Variants in KIFAP3 observed in about 807,000 individuals in gnomAD.
KIFAP3 encodes the protein kinesin associated protein 3, also known as kinesin-associated protein 3.
KIFAP3 carries 68 observed loss-of-function variants against 106.5 expected under a neutral mutation model. The ratio of observed to expected loss-of-function variants is 0.64; its 90% CI spans 0.53 to 0.78. The LOEUF (loss-of-function observed/expected upper bound fraction) is 0.78, where lower values mean the gene tolerates loss of function less well. Among genes scored for constraint, KIFAP3 ranks in the 30% least tolerant of loss-of-function variants. The pLI is 0.00. For synonymous variants in KIFAP3, 320 were observed against 311.5 expected (o/e 1.03, Z -0.29); for missense variants, 780 against 941.8 (o/e 0.83, Z 2.25).
chr1:170,041,917 C>T, intron 3 of KIFAP3: 2 of 1,287,082 alleles, frequency 1.6e-6, no homozygotes, highest in Non-Finnish European at 2.0e-6. Flanking sequence ...GGGAAGTACT[C>T]CTGGGCGATT....
intron 10 of KIFAP3, among the ~76,000 whole-genome samples, chr1:170,013,408 T>A (rs1456463570): frequency 1.3e-5 from 2 of 151,412 alleles, no homozygotes; most frequent in Non-Finnish European, 2.9e-5. Context: ...TATTGCATTA[T>A]CTCATTTAAC....
At chr1:169,966,741 T>G (rs1472457081) in intron 17 of KIFAP3, among the ~76,000 whole-genome samples, 1 of 151,620 alleles carries the variant, frequency 6.6e-6, no homozygotes, top group Non-Finnish European at 1.5e-5. Context: ...AAAATATGTG[T>G]TTAAAAAATT....
chr1:170,002,388 G>T (rs1667706916), intron 10 of KIFAP3, among the ~76,000 whole-genome samples: 1 of 152,082 alleles, frequency 6.6e-6, no homozygotes, highest in African/African-American at 2.4e-5. Flanking sequence ...AGACAATATG[G>T]TCTAACATTA....
intron 2 of KIFAP3, among the ~76,000 whole-genome samples, chr1:170,050,451 TA>T (rs1670517885): frequency 6.6e-6 from 1 of 152,148 alleles, no homozygotes; most frequent in Admixed American, 6.6e-5. Context: ...CTCCCCAGCC[TA>T]GCAAGACAGG....
chr1:170,005,807 T>C (rs572380209), intron 10 of KIFAP3, among the ~76,000 whole-genome samples: 1 of 151,148 alleles, frequency 6.6e-6, no homozygotes, highest in East Asian at 2.0e-4. Flanking sequence ...TGTATACATA[T>C]GTAACAAACC....
chr1:169,949,881 T>C (rs1664641190), intron 19 of KIFAP3, among the ~76,000 whole-genome samples: 1 of 152,128 alleles, frequency 6.6e-6, no homozygotes, highest in Non-Finnish European at 1.5e-5. Context: ...CAGGATTCAC[T>C]GTCCAACTGC....
intron 19 of KIFAP3, among the ~76,000 whole-genome samples, chr1:169,934,988 A>G (rs1416408497): frequency 1.3e-5 from 2 of 152,128 alleles, no homozygotes; most frequent in African/African-American, 4.8e-5. Context: ...CCTAATATAT[A>G]TGAAGGCTTT....
intron 10 of KIFAP3, among the ~76,000 whole-genome samples, chr1:170,009,188 G>C (rs1255086541): frequency 6.6e-6 from 1 of 152,018 alleles, no homozygotes; most frequent in Non-Finnish European, 1.5e-5. Flanking sequence ...AACCACCATG[G>C]CACATGTATA....
chr1:170,024,534 T>A lies in KIFAP3; in HGVS notation c.904A>T (p.Lys302Ter). ...DTRTELKMRNKNIVHMLVKAL... is the reference protein window; with the variant it reads ...DTRTELKMRN The stretch of plus-strand genomic sequence containing the variant: ...TTCACCAACATGTGAACTATGTTCT[T>A]GTTCCTCATTTTCAGTTCGGTACGA... The change falls in exon 9 of 20, where the codon AAG (lysine) becomes TAG (stop). Residue 302 changes from lysine to a stop codon, truncating the protein, a stop_gained. Transcript: ENST00000361580. LOFTEE classifies it high-confidence loss of function. The A allele has an allele frequency of 6.2e-7, 1 of 1,606,562 alleles. No homozygotes were observed. The highest frequency in any genetic ancestry group is 8.5e-7 in the Non-Finnish European group (1 of 1,176,246).
intron 19 of KIFAP3, among the ~76,000 whole-genome samples, chr1:169,926,424 T>G (rs1663134363): frequency 6.6e-6 from 1 of 152,148 alleles, no homozygotes; most frequent in Non-Finnish European, 1.5e-5. Context: ...ACGTGATACT[T>G]ATGATGTGAT....
chr1:170,043,742 G>C (rs1670099855), intron 3 of KIFAP3, among the ~76,000 whole-genome samples: 1 of 152,114 alleles, frequency 6.6e-6, no homozygotes, highest in African/African-American at 2.4e-5. Flanking sequence ...AAGGGGAAAA[G>C]AAAAGGGGAG....
At chr1:170,031,841 G>A (rs747640542) in intron 8 of KIFAP3, 45 bp downstream of exon 8, 2 of 1,169,670 alleles carry the variant, frequency 1.7e-6, no homozygotes, top group East Asian at 2.4e-5. Context: ...AAATGTATTT[G>A]GAGTAAGTAC....
intron 8 of KIFAP3, among the ~76,000 whole-genome samples, chr1:170,031,240 T>C (rs1414594696): frequency 2.0e-5 from 3 of 151,760 alleles, no homozygotes; most frequent in African/African-American, 7.2e-5. Flanking sequence ...AAAAACTCAG[T>C]GTAGTTAAAA....
intron 1 of KIFAP3, among the ~76,000 whole-genome samples, chr1:170,067,157 T>C (rs183608275): frequency 6.5e-4 from 98 of 151,824 alleles, no homozygotes; most frequent in Admixed American, 1.6e-3. Context: ...GAATAAAACA[T>C]AGAGACAAAA....
intron 9 of KIFAP3, among the ~76,000 whole-genome samples, chr1:170,019,577 C>T (rs968754530): frequency 6.6e-6 from 1 of 151,790 alleles, no homozygotes; most frequent in South Asian, 2.1e-4. Context: ...TGCGAATATG[C>T]GAAAAACCCA....
At chr1:169,925,142 T>C (rs1348697295) in intron 19 of KIFAP3, among the ~76,000 whole-genome samples, 1 of 152,212 alleles carries the variant, frequency 6.6e-6, no homozygotes, top group Non-Finnish European at 1.5e-5. Flanking sequence ...AAATGTGGTG[T>C]ATCCCTCTAG....
At chr1:169,975,757 G>T (rs1666193383) in intron 16 of KIFAP3, among the ~76,000 whole-genome samples, 2 of 151,948 alleles carry the variant, frequency 1.3e-5, no homozygotes, top group African/African-American at 2.4e-5. Context: ...TGAGACTATA[G>T]GCATGCACCA....
intron 10 of KIFAP3, among the ~76,000 whole-genome samples, chr1:170,006,899 C>T (rs181141229): frequency 6.6e-6 from 1 of 151,748 alleles, no homozygotes; most frequent in African/African-American, 2.4e-5. Flanking sequence ...ATGAAGTCAG[C>T]AAAGTAGTAA....
chr1:170,012,390 G>A lies in KIFAP3; in HGVS notation c.1183+4072C>T, dbSNP rs961814148. Among the ~76,000 whole-genome samples, 4 of 152,008 alleles carry A rather than the reference G, an allele frequency of 2.6e-5. No individual in the cohort carries two copies. In the East Asian group the frequency reaches 7.7e-4, roughly 29 times the overall value. ...ATAAATGATAGTAAGAACAATAACA[G>A]CTACACACATTATAGCCTTTGAACC... On this transcript the variant is annotated intron_variant, in intron 10 of 19. Transcript: ENST00000361580.
Sources: allele counts gnomAD v4.1 joint callset (sites outside exome capture counted in the v4.1 genomes callset), GRCh38; gene constraint gnomAD v4.1.1; transcripts MANE v1.5; gene names NCBI Gene and HGNC (gene_info 2026-07-23, HGNC 2026-07-21).